Variants in MAPKAPK5 observed in about 807,000 individuals in gnomAD.
MAPKAPK5 encodes MAP kinase-activated protein kinase 5.
MAPKAPK5 carries 30 observed loss-of-function variants against 65.1 expected under a neutral mutation model. That is an observed-to-expected ratio of 0.46 (90% confidence interval 0.34 to 0.63). The LOEUF (loss-of-function observed/expected upper bound fraction) is 0.63. Ranked by LOEUF, MAPKAPK5 falls within the 20% of genes least tolerant of loss-of-function variation. The probability of loss-of-function intolerance (pLI) is 0.01; values close to 1 mark genes in which losing one functional copy is unlikely to be tolerated. For missense variants in MAPKAPK5, 433 were observed against 581.4 expected, an observed-to-expected ratio of 0.74 and a Z score of 2.63; for synonymous variants, 179 against 204.6, an observed-to-expected ratio of 0.87 and a Z score of 1.07.
intron 5 of MAPKAPK5, 55 bp from the exon 6 acceptor site, chr12:111,870,216 G>T: frequency 8.0e-7 from 1 of 1,257,776 alleles, no homozygotes; most frequent in South Asian, 1.3e-5. Flanking sequence ...TACGCCAGGT[G>T]TATTAAAGAG....
At chr12:111,888,325 C>A in intron 10 of MAPKAPK5, 163 bp from the exon 11 acceptor site, 1 of 918,440 alleles carries the variant, frequency 1.1e-6, no homozygotes, top group Non-Finnish European at 1.5e-6. Context: ...CCTGTTGATC[C>A]ATGGGGAAAA....
chr12:111,871,421 A>G (rs1018705962), intron 7 of MAPKAPK5, among the ~76,000 whole-genome samples: 1 of 152,122 alleles, frequency 6.6e-6, no homozygotes, highest in African/African-American at 2.4e-5. Context: ...CGGGTGGATT[A>G]CAAGTTCAGG....
In MAPKAPK5 at chr12:111,855,820, C is replaced by T. The variant is rs79193517; in HGVS notation, c.37-9430C>T. On this transcript the variant is annotated intron_variant, in intron 1 of 13. Coordinates refer to ENST00000550735, the MANE Select transcript of MAPKAPK5 (RefSeq NM_003668.4). ...CCAGCCTGGTGACAAAGTGAGACTCCATCTCAAGAAAAAAAAATGCGTTGT... is the reference window on the plus strand; with the variant it reads ...CCAGCCTGGTGACAAAGTGAGACTCTATCTCAAGAAAAAAAAATGCGTTGT... Among the ~76,000 whole-genome samples, 8,336 of 150,394 alleles carry T rather than the reference C, an allele frequency of 0.055. 1,287 individuals carry two copies. The East Asian group carries it at 0.62, about 11-fold the overall frequency.
chr12:111,865,785 G>C (rs2069581834), intron 2 of MAPKAPK5, among the ~76,000 whole-genome samples: 1 of 141,414 alleles, frequency 7.1e-6, no homozygotes, highest in South Asian at 2.3e-4. Flanking sequence ...GCAGTGAGCT[G>C]AGATCATGCC....
chr12:111,883,835 T>C lies in MAPKAPK5; in HGVS notation c.848+67T>C. 4.0e-6 allele frequency: 6 copies of C among 1,506,408 alleles called. No homozygotes were observed. The highest frequency in any genetic ancestry group is 5.4e-6 in the Non-Finnish European group (6 of 1,120,854). The allele number at this position is 1,506,408 out of a possible 1,614,324, so 93.3% of individuals were successfully genotyped here. Reference sequence around the variant, plus strand: ...CCAGGTGGTGGAGCACAAGGGAATGTGGGTAGAGAAAAGTCACTGGTTTCC... The same window carrying C: ...CCAGGTGGTGGAGCACAAGGGAATGCGGGTAGAGAAAAGTCACTGGTTTCC... On this transcript the variant is annotated intron_variant, in intron 9 of 13. Coordinates refer to ENST00000550735, the MANE Select transcript of MAPKAPK5 (RefSeq NM_003668.4). The surrounding 1 kb of genome is among the most constrained non-coding windows in gnomAD (Gnocchi z 4.8).
intron 1 of MAPKAPK5, among the ~76,000 whole-genome samples, chr12:111,847,544 C>A (rs775383628): frequency 6.6e-6 from 1 of 151,762 alleles, no homozygotes; most frequent in South Asian, 2.1e-4. Context: ...TTATGTATAG[C>A]GAGTCGTTAA....
chr12:111,876,855 G>C (rs964234993), intron 7 of MAPKAPK5, among the ~76,000 whole-genome samples: 9 of 151,516 alleles, frequency 5.9e-5, no homozygotes, highest in African/African-American at 2.2e-4. Flanking sequence ...ATTTTTTTAG[G>C]AAGCTTCCCA....
In MAPKAPK5 at chr12:111,883,869, C is replaced by A; in HGVS notation, c.848+101C>A. The stretch of plus-strand genomic sequence containing the variant: ...AAAAGTCACTGGTTTCCTAGGCAGG[C>A]TCCTCCCCGTTTTAATATCACAGAA... On this transcript the variant is annotated intron_variant, in intron 9 of 13. Transcript: ENST00000550735. This position sits in a 1 kb window ranked among gnomAD's most constrained non-coding sequence, Gnocchi z 4.8. 1 of 1,200,552 alleles carries A rather than the reference C, an allele frequency of 8.3e-7. No individual in the cohort carries two copies. Among genetic ancestry groups the A allele is most frequent in the Non-Finnish European group, 1.1e-6 (1 of 870,516 alleles). The allele number at this position is 1,200,552 out of a possible 1,614,324, so 74.4% of individuals were successfully genotyped here.
chr12:111,886,206 G>A (rs1267793541), intron 10 of MAPKAPK5, among the ~76,000 whole-genome samples, 170 bp downstream of exon 10: 1 of 152,134 alleles, frequency 6.6e-6, no homozygotes, highest in South Asian at 2.1e-4. Flanking sequence ...ATTTCTTTCG[G>A]TAAAAGACCA....
At chr12:111,864,214 G>A (rs564270830) in intron 1 of MAPKAPK5, among the ~76,000 whole-genome samples, 2 of 152,246 alleles carry the variant, frequency 1.3e-5, no homozygotes, top group Admixed American at 1.3e-4. Flanking sequence ...GTTCAAGGCT[G>A]CAGTGAGAAA....
At position 111,868,850 on chromosome 12, in the gene MAPKAPK5, G is replaced by C. The variant is rs576655529; in HGVS notation, c.382G>C (p.Val128Leu). ...CTTTACAGAGAAGCAAGCCAGCCAA[G>C]TAACAAAGCAGGCAAGTTAACCCCA... ...RHFTEKQASQVTKQIALALRH... is the reference protein window; with the variant it reads ...RHFTEKQASQLTKQIALALRH... Residue 128 changes from valine to leucine, a missense_variant, in exon 5 of 14, where the codon GTA becomes CTA. Physicochemically the swap from Val to Leu is conservative, Grantham distance 32 (BLOSUM62 1). Coordinates refer to ENST00000550735, the MANE Select transcript of MAPKAPK5 (RefSeq NM_003668.4). 24 of 1,559,224 alleles carry C rather than the reference G, an allele frequency of 1.5e-5. No homozygotes were observed. In the South Asian group the frequency reaches 2.7e-4, roughly 18 times the overall value.
At chr12:111,872,518 A>G (rs952099003) in intron 7 of MAPKAPK5, among the ~76,000 whole-genome samples, 6 of 152,194 alleles carry the variant, frequency 3.9e-5, no homozygotes, top group Non-Finnish European at 7.4e-5. Flanking sequence ...TCTTTGCCAT[A>G]TGTATGTTGT....
Position 111,848,721 on chromosome 12 carries a change from C to T in MAPKAPK5, c.36+5952C>T, listed in dbSNP as rs1165759459. Among the ~76,000 whole-genome samples the T allele has an allele frequency of 4.0e-5, 6 of 151,386 alleles. No homozygotes were observed. The East Asian group carries it at 1.2e-3, about 30-fold the overall frequency. On this transcript the variant is annotated intron_variant, in intron 1 of 13. Coordinates refer to ENST00000550735, the MANE Select transcript of MAPKAPK5 (RefSeq NM_003668.4). ...CCACTGTGCTCGGCCTCTTTTTGCC[C>T]GTTTTAGAATTGCTTTTTTTTGTTT... is the stretch of plus-strand genomic sequence containing the variant.
intron 7 of MAPKAPK5, among the ~76,000 whole-genome samples, chr12:111,875,492 C>T (rs2069933519): frequency 6.6e-6 from 1 of 152,056 alleles, no homozygotes; most frequent in South Asian, 2.1e-4. Flanking sequence ...ACAGTCTTGG[C>T]CCCCCCTTAG....
chr12:111,862,779 A>G (rs1274370823), intron 1 of MAPKAPK5, among the ~76,000 whole-genome samples: 1 of 152,230 alleles, frequency 6.6e-6, no homozygotes, highest in Non-Finnish European at 1.5e-5. Context: ...CTCTGATTAT[A>G]ATGAATAGTT....
intron 10 of MAPKAPK5, chr12:111,887,854 C>CAT (rs1566275415): frequency 6.9e-6 from 1 of 144,248 alleles, no homozygotes; most frequent in African/African-American, 2.6e-5. Context: ...CACACACACA[C>CAT]ATTCTGTCCT....
intron 9 of MAPKAPK5, among the ~76,000 whole-genome samples, chr12:111,885,232 A>C (rs1282987464): frequency 6.6e-6 from 1 of 152,168 alleles, no homozygotes; most frequent in Non-Finnish European, 1.5e-5. Flanking sequence ...TGTTGTCCTG[A>C]CATTTGTAAT....
At chr12:111,889,748 AG>A (rs1439084258) in intron 12 of MAPKAPK5, 1 of 270,450 alleles carries the variant, frequency 3.7e-6, no homozygotes, top group Admixed American at 4.4e-5. Flanking sequence ...TTGGTTGACC[AG>A]GTGTCTTTTG....
rs973391666 is a variant in MAPKAPK5 at position 111,858,684 on chromosome 12, C to A, written c.37-6566C>A. 5.4e-4 allele frequency among the ~76,000 whole-genome samples: 80 copies of A among 148,140 alleles called. 5 individuals carry two copies. Among genetic ancestry groups the A allele is most frequent in the Non-Finnish European group, 1.0e-3 (67 of 66,996 alleles). ...CCAGCCTCCTGAGTAGCTGGGATTACAGCACCTGCCACTGTGCCTGGCTAA... is the reference window on the plus strand; with the variant it reads ...CCAGCCTCCTGAGTAGCTGGGATTAAAGCACCTGCCACTGTGCCTGGCTAA... On this transcript the variant is annotated intron_variant, in intron 1 of 13. Coordinates refer to ENST00000550735, the MANE Select transcript of MAPKAPK5 (RefSeq NM_003668.4).
Sources: allele counts gnomAD v4.1 joint callset (sites outside exome capture counted in the v4.1 genomes callset), GRCh38; gene constraint gnomAD v4.1.1; non-coding constraint Gnocchi (gnomAD v3.1); transcripts MANE v1.5; gene names NCBI Gene and HGNC (gene_info 2026-07-23, HGNC 2026-07-21).